Variants in RNF180 observed in about 807,000 individuals in gnomAD.
RNF180 encodes the protein E3 ubiquitin-protein ligase RNF180.
Under a neutral mutation model 59.2 loss-of-function variants are expected in RNF180, and 38 were observed. The ratio of observed to expected loss-of-function variants is 0.64; its 90% CI spans 0.50 to 0.84. The LOEUF (loss-of-function observed/expected upper bound fraction) is 0.84, where lower values mean the gene tolerates loss of function less well. RNF180 is among the 40% of genes least tolerant of loss of function. The pLI, the probability that RNF180 is intolerant of heterozygous loss-of-function variation, is 0.00. For missense variants in RNF180, 705 were observed against 700.9 expected (o/e 1.01, Z -0.07); for synonymous variants, 262 against 240.3 (o/e 1.09, Z -0.84).
rs780387136 is a variant in RNF180, at chr5:64,325,251, C to T, written c.1293C>T (p.Ile431=). ...ATGCAGAAGAAAAGGATAGCTACAT[C>T]TGTGCAGTGTGTCTGGACGTTTATT... ...NEYAEEKDSY[I]CAVCLDVYFN... Residue 431 remains isoleucine (I), a synonymous_variant, in exon 6 of 8, where the codon ATC becomes ATT. Coordinates refer to ENST00000389100, the MANE Select transcript of RNF180 (RefSeq NM_001113561.2). 3.2e-6 allele frequency: 5 copies of T among 1,551,452 alleles called. No individual in the cohort carries two copies. The highest frequency in any genetic ancestry group is 4.4e-6 in the Non-Finnish European group (5 of 1,146,750).
At chr5:64,223,764 G>C (rs189150906) in intron 5 of RNF180, among the ~76,000 whole-genome samples, 1 of 151,784 alleles carries the variant, frequency 6.6e-6, no homozygotes, top group Non-Finnish European at 1.5e-5. Context: ...TGTAACTAAT[G>C]ATCACTTGGT....
rs543878735 is a variant in RNF180 at position 64,225,074 on chromosome 5, TAA to T, written c.1227+7679_1227+7680del. Among the ~76,000 whole-genome samples the T allele has an allele frequency of 2.0e-4, 30 of 152,186 alleles. No individual in the cohort carries two copies. In the South Asian group the frequency reaches 6.0e-3, roughly 30 times the overall value. On this transcript the variant is annotated intron_variant, in intron 5 of 7. Coordinates refer to ENST00000389100, the MANE Select transcript of RNF180 (RefSeq NM_001113561.2). The stretch of plus-strand genomic sequence containing the variant: ...TAGCAACCCAAAAGGAATAAGATGC[TAA>T]GTTTTATGTAAAGCCAGCTTGTTAG...
rs945594760 is a variant in RNF180 at position 64,371,942 on chromosome 5, C to G, written c.*2128C>G. ...ATTCAAAATAAAATACATGGATGAG[C>G]TTTAGAGTAAAACAAAAAATTATAA... is the stretch of plus-strand genomic sequence containing the variant. On this transcript the variant is annotated 3_prime_UTR_variant, in exon 8 of 8. Coordinates refer to ENST00000389100, the MANE Select transcript of RNF180 (RefSeq NM_001113561.2). 1.3e-5 allele frequency: 2 copies of G among 151,448 alleles called. No individual in the cohort carries two copies. The highest frequency in any genetic ancestry group is 2.4e-5 in the African/African-American group (1 of 41,344). The allele number at this position is 151,448 out of a possible 1,614,324, so 9.4% of individuals were successfully genotyped here.
At chr5:64,285,946 G>A (rs866547564) in intron 5 of RNF180, among the ~76,000 whole-genome samples, 3 of 152,042 alleles carry the variant, frequency 2.0e-5, no homozygotes, top group Admixed American at 1.3e-4. Flanking sequence ...TGTAGGGGTC[G>A]TAGGGTCTCC....
rs563191193 is a variant in RNF180, at chr5:64,274,779, G to A, written c.1228-50407G>A. 2.8e-4 allele frequency among the ~76,000 whole-genome samples: 42 copies of A among 151,932 alleles called. 1 individual carries two copies. Among genetic ancestry groups the A allele is most frequent in the Non-Finnish European group, 5.6e-4 (38 of 67,900 alleles). ...TTCCTCAGACCAAACAGCCTTCCTAGCTTGCTGCTATACATAGAGTGTAGA... is the reference window on the plus strand; with the variant it reads ...TTCCTCAGACCAAACAGCCTTCCTAACTTGCTGCTATACATAGAGTGTAGA... On this transcript the variant is annotated intron_variant, in intron 5 of 7. Coordinates refer to ENST00000389100, the MANE Select transcript of RNF180 (RefSeq NM_001113561.2).
chr5:64,198,558 G>C (rs1165157345), intron 1 of RNF180, among the ~76,000 whole-genome samples: 3 of 152,092 alleles, frequency 2.0e-5, no homozygotes, highest in African/African-American at 7.2e-5. Context: ...CCCCAAGAAG[G>C]CATGGAAAAA....
chr5:64,285,660 G>A (rs551228827), intron 5 of RNF180, among the ~76,000 whole-genome samples: 1 of 152,264 alleles, frequency 6.6e-6, no homozygotes, highest in African/African-American at 2.4e-5. Context: ...GCAGGCAGAC[G>A]CAGCTAGGCT....
At chr5:64,252,374 C>T (rs1213002330) in intron 5 of RNF180, among the ~76,000 whole-genome samples, 3 of 152,138 alleles carry the variant, frequency 2.0e-5, no homozygotes, top group Non-Finnish European at 2.9e-5. Context: ...CATCATATGA[C>T]ATGGTGGCCA....
At chr5:64,232,479 A>G (rs1397448049) in intron 5 of RNF180, among the ~76,000 whole-genome samples, 3 of 152,184 alleles carry the variant, frequency 2.0e-5, no homozygotes, top group East Asian at 1.9e-4. Flanking sequence ...TGACCAGACA[A>G]TTTGTATAAG....
At position 64,167,733 on chromosome 5, in the gene RNF180, C is replaced by T. The variant is rs1483631978; in HGVS notation, c.-1+1780C>T. ...TAAGGAGCATAAAGATTAAAAATTT[C>T]GCTTAAATTTTGCTAACTACATAGT... On this transcript the variant is annotated intron_variant, in intron 1 of 7. Coordinates refer to ENST00000389100, the MANE Select transcript of RNF180 (RefSeq NM_001113561.2). Among the ~76,000 whole-genome samples the T allele has an allele frequency of 2.6e-5, 4 of 152,212 alleles. No homozygotes were observed. In the South Asian group the frequency reaches 6.2e-4, roughly 24 times the overall value.
intron 3 of RNF180, 77 bp downstream of exon 3, chr5:64,212,237 T>G: frequency 1.2e-6 from 1 of 847,002 alleles, no homozygotes. Context: ...AGAGCTATTT[T>G]TCTTAGATGC....
At chr5:64,245,708 C>T (rs571058180) in intron 5 of RNF180, among the ~76,000 whole-genome samples, 24 of 152,214 alleles carry the variant, frequency 1.6e-4, no homozygotes, top group Non-Finnish European at 2.4e-4. Flanking sequence ...CACAGATCAA[C>T]GAGACAGAAA....
intron 1 of RNF180, among the ~76,000 whole-genome samples, chr5:64,179,097 G>A (rs185828661): frequency 2.0e-4 from 31 of 152,166 alleles, no homozygotes; most frequent in Admixed American, 3.3e-4. Flanking sequence ...AATGGAAATC[G>A]AATGCTACTT....
chr5:64,367,439 A>G (rs560134260), intron 7 of RNF180, among the ~76,000 whole-genome samples: 4 of 151,814 alleles, frequency 2.6e-5, no homozygotes, highest in African/African-American at 9.6e-5. Flanking sequence ...ATATGATAGA[A>G]AGTCAGCCAA....
At position 64,330,270 on chromosome 5, in the gene RNF180, C is replaced by T; in HGVS notation, c.1454-11C>T. 1 of 1,420,474 alleles carries T rather than the reference C, an allele frequency of 7.0e-7. No individual in the cohort carries two copies. The highest frequency in any genetic ancestry group is 9.6e-7 in the Non-Finnish European group (1 of 1,041,298). 88.0% of individuals were successfully genotyped at this position (1,420,474 alleles called of 1,614,324 possible). A position where few individuals can be genotyped will look rare whatever the true frequency, so the allele number is the denominator to read the frequency against. ...AATTTCAAAATCCTATTTTCTTTTG[C>T]TTTATTCTAGAATTGAACAATGCCA... is the stretch of plus-strand genomic sequence containing the variant. On this transcript the variant is annotated splice_polypyrimidine_tract_variant and intron_variant, in intron 6 of 7. Coordinates refer to ENST00000389100, the MANE Select transcript of RNF180 (RefSeq NM_001113561.2).
intron 5 of RNF180, among the ~76,000 whole-genome samples, chr5:64,288,284 G>A (rs1742395359): frequency 6.6e-6 from 1 of 152,180 alleles, no homozygotes; most frequent in Admixed American, 6.5e-5. Flanking sequence ...CCAGTACCAT[G>A]CTTTTTTGGT....
rs746144691 is a variant in RNF180, at chr5:64,214,192, G to C, written c.866G>C (p.Ser289Thr). The C allele has an allele frequency of 6.2e-7, 1 of 1,614,008 alleles. No homozygotes were observed. The highest frequency in any genetic ancestry group is 1.1e-5 in the South Asian group (1 of 91,072). Residue 289 changes from serine (S) to threonine (T), a missense_variant, in exon 4 of 8, where the codon AGT becomes ACT. Physicochemically the swap from Ser to Thr is moderately conservative, Grantham distance 58. Transcript: ENST00000389100. ...CAGAATCCATCCAGTTTTGATCCTAGTATGCTGCTGCAAAGATTTTCAGTG... is the reference window on the plus strand; with the variant it reads ...CAGAATCCATCCAGTTTTGATCCTACTATGCTGCTGCAAAGATTTTCAGTG... ...SFQNPSSFDP[S>T]MLLQRFSVAP...
intron 5 of RNF180, among the ~76,000 whole-genome samples, chr5:64,235,679 G>T (rs750118216): frequency 6.6e-6 from 1 of 151,928 alleles, no homozygotes; most frequent in Non-Finnish European, 1.5e-5. Context: ...TAATCCCCAC[G>T]TGGGAGGGGA....
At chr5:64,317,597 TACACACACACACACACACACATATATAC>T (rs1384551495) in intron 5 of RNF180, among the ~76,000 whole-genome samples, 7 of 123,876 alleles carry the variant, frequency 5.7e-5, no homozygotes, top group Non-Finnish European at 1.1e-4. Flanking sequence ...TACATATTTA[TACACACACACACACACACACATATATAC>T]ACACACACAC....
Sources: allele counts gnomAD v4.1 joint callset (sites outside exome capture counted in the v4.1 genomes callset), GRCh38; gene constraint gnomAD v4.1.1; transcripts MANE v1.5; gene names NCBI Gene and HGNC (gene_info 2026-07-23, HGNC 2026-07-21).